The following SLC9B1 variants were observed in gnomAD, a reference collection of about 807,000 sequenced individuals.
SLC9B1 encodes solute carrier family 9 member B1.
A neutral mutation model predicts 51.7 loss-of-function variants in SLC9B1; 32 were observed. The ratio of observed to expected loss-of-function variants is 0.62; its 90% CI spans 0.47 to 0.83. The LOEUF (loss-of-function observed/expected upper bound fraction) is 0.83. SLC9B1 is among the 40% of genes least tolerant of loss of function. The pLI is 0.00. For missense variants in SLC9B1, 406 were observed against 613.2 expected, an observed-to-expected ratio of 0.66 and a Z score of 3.57; for synonymous variants, 145 against 212.7, an observed-to-expected ratio of 0.68 and a Z score of 2.77.
chr4:102,956,394 C>T (rs865842790), intron 3 of SLC9B1, among the ~76,000 whole-genome samples: 2 of 150,922 alleles, frequency 1.3e-5, no homozygotes, highest in Non-Finnish European at 2.9e-5. Context: ...CATATATGGC[C>T]GATTGGAAAA....
intron 7 of SLC9B1, among the ~76,000 whole-genome samples, chr4:102,926,647 A>C (rs182974586): frequency 1.1e-4 from 16 of 152,358 alleles, no homozygotes; most frequent in Admixed American, 3.3e-4. Context: ...AGGAAGAATC[A>C]ATATCATGGA....
intron 1 of SLC9B1, among the ~76,000 whole-genome samples, chr4:102,999,750 G>A (rs1740420525): frequency 2.0e-5 from 3 of 152,140 alleles, no homozygotes; most frequent in Admixed American, 2.0e-4. Context: ...TAGTCCTTTA[G>A]GGATTTTGCC....
chr4:102,968,209 A>C (rs1001324750), intron 3 of SLC9B1, among the ~76,000 whole-genome samples: 6 of 152,252 alleles, frequency 3.9e-5, no homozygotes, highest in African/African-American at 1.4e-4. Flanking sequence ...ATAAATAGTC[A>C]ATTGATTTTC....
At chr4:102,908,080 C>A (rs1381375876) in intron 9 of SLC9B1, among the ~76,000 whole-genome samples, 1 of 152,288 alleles carries the variant, frequency 6.6e-6, no homozygotes, top group African/African-American at 2.4e-5. Context: ...TGTGTAGGAA[C>A]AGCCAAAAAA....
chr4:103,013,092 C>T (rs1039038990), intron 1 of SLC9B1, among the ~76,000 whole-genome samples: 17 of 152,170 alleles, frequency 1.1e-4, no homozygotes, highest in African/African-American at 4.1e-4. Context: ...TGGTTTTTCT[C>T]AACTATAGAC....
intron 1 of SLC9B1, among the ~76,000 whole-genome samples, chr4:103,006,397 A>C (rs1254266384): frequency 6.6e-6 from 1 of 152,128 alleles, no homozygotes; most frequent in Non-Finnish European, 1.5e-5. Context: ...TAACTACAAG[A>C]AATGGGTAAA....
At chr4:102,989,765 ATCT>A (rs748964342) in intron 3 of SLC9B1, 32 bp downstream of exon 3, 11 of 1,428,480 alleles carry the variant, frequency 7.7e-6, no homozygotes, top group East Asian at 7.0e-5. Flanking sequence ...CATATTTCTC[ATCT>A]TCTCTTCATT....
chr4:102,955,010 A>T lies in SLC9B1; in HGVS notation c.212-5583T>A, dbSNP rs559462813. 4.6e-5 allele frequency among the ~76,000 whole-genome samples: 7 copies of T among 152,326 alleles called. No individual in the cohort carries two copies. The East Asian group carries it at 1.4e-3, about 29-fold the overall frequency. ...AAATTAAGAAGCATTTATCCTTGAA[A>T]AAAGTGTTAGGGTTTTGGGTAGGAT... On this transcript the variant is annotated intron_variant, in intron 3 of 11. Coordinates refer to ENST00000296422, the MANE Select transcript of SLC9B1 (RefSeq NM_139173.4).
At chr4:102,987,295 C>G (rs1403327490) in intron 3 of SLC9B1, among the ~76,000 whole-genome samples, 1 of 152,026 alleles carries the variant, frequency 6.6e-6, no homozygotes, top group Non-Finnish European at 1.5e-5. Context: ...CTAGAGGAGG[C>G]TGACTAGAGT....
At chr4:102,928,927 GGGA>G (rs1736318352) in intron 7 of SLC9B1, among the ~76,000 whole-genome samples, 1 of 152,144 alleles carries the variant, frequency 6.6e-6, no homozygotes, top group Non-Finnish European at 1.5e-5. Flanking sequence ...CATCCAGCAT[GGGA>G]GAAAGATGAG....
chr4:102,945,527 A>G (rs1737226076), intron 5 of SLC9B1, among the ~76,000 whole-genome samples: 1 of 152,090 alleles, frequency 6.6e-6, no homozygotes, highest in Admixed American at 6.5e-5. Flanking sequence ...CATCTTTTTA[A>G]AAATATTATT....
chr4:102,901,466 T>C, intron 11 of SLC9B1, 134 bp from the exon 12 acceptor site: 4 of 1,089,968 alleles, frequency 3.7e-6, no homozygotes, highest in East Asian at 5.5e-5. Context: ...GTAATTTTCA[T>C]AAGTTACTCA....
intron 1 of SLC9B1, among the ~76,000 whole-genome samples, chr4:102,993,441 G>A (rs1740054279): frequency 6.6e-6 from 1 of 152,214 alleles, no homozygotes; most frequent in Admixed American, 6.5e-5. Flanking sequence ...GGGCTCCCAT[G>A]GCCTTGGGCA....
rs111624973 is a variant in SLC9B1 at position 102,911,673 on chromosome 4, A to G, written c.830-136T>C. The stretch of plus-strand genomic sequence containing the variant: ...ACAAATATATGCAAATGGTCTTTTT[A>G]TAGTGACATATATGAAAACATGTAG... On this transcript the variant is annotated intron_variant, in intron 7 of 11. Coordinates refer to ENST00000296422, the MANE Select transcript of SLC9B1 (RefSeq NM_139173.4). 2,138 of 580,240 alleles carry G rather than the reference A, an allele frequency of 3.7e-3. 18 individuals are homozygous for G. The highest frequency in any genetic ancestry group is 0.03 in the African/African-American group (1,612 of 53,712). The allele number at this position is 580,240 out of a possible 1,614,324, so 35.9% of individuals were successfully genotyped here.
rs1321997074 is a variant in SLC9B1, at chr4:102,909,431, C to T, written c.1086+1008G>A. 4.0e-5 allele frequency among the ~76,000 whole-genome samples: 6 copies of T among 150,344 alleles called. No individual in the cohort carries two copies. In the South Asian group the frequency reaches 1.1e-3, roughly 26 times the overall value. On this transcript the variant is annotated intron_variant, in intron 9 of 11. Transcript: ENST00000296422. ...CTGCCTGGCCAACATGGTGAAACCC[C>T]GTCTCTACTAAAAATACAAAAATTT...
intron 3 of SLC9B1, among the ~76,000 whole-genome samples, chr4:102,982,228 C>A (rs1739399348): frequency 6.6e-6 from 1 of 151,810 alleles, no homozygotes; most frequent in Non-Finnish European, 1.5e-5. Flanking sequence ...TTTTGTGGGT[C>A]TATTTCTGGA....
intron 7 of SLC9B1, among the ~76,000 whole-genome samples, chr4:102,920,583 T>C (rs954842099): frequency 2.0e-5 from 3 of 152,174 alleles, no homozygotes; most frequent in African/African-American, 7.2e-5. Flanking sequence ...AGAAGTAGGC[T>C]TCAGAAGGTT....
At chr4:102,967,757 A>G (rs748040020) in intron 3 of SLC9B1, among the ~76,000 whole-genome samples, 56 of 152,314 alleles carry the variant, frequency 3.7e-4, no homozygotes, top group South Asian at 8.3e-4. Context: ...GCATTCCAAC[A>G]TGAGTTTTGG....
chr4:102,917,579 A>G (rs1735645896), intron 7 of SLC9B1, among the ~76,000 whole-genome samples: 1 of 152,096 alleles, frequency 6.6e-6, no homozygotes, highest in South Asian at 2.1e-4. Flanking sequence ...ATGTCTCGAG[A>G]CAAATAAAAA....
Sources: gnomAD v4.1 joint callset for allele counts (sites outside exome capture counted in the v4.1 genomes callset) on GRCh38, gnomAD v4.1.1 for gene constraint, MANE v1.5 for transcripts, NCBI Gene and HGNC (gene_info 2026-07-23, HGNC 2026-07-21) for gene names.